The following MFHAS1 variants were observed in gnomAD, a reference collection of about 807,000 sequenced individuals.
MFHAS1 encodes the protein multifunctional ROCO family signaling regulator 1, also known as malignant fibrous histiocytoma-amplified sequence 1.
A neutral mutation model predicts 70.4 loss-of-function variants in MFHAS1; 50 were observed. The observed-to-expected ratio is 0.71, with a 90% CI of 0.57 to 0.90. MFHAS1 has a LOEUF of 0.90. Ranked by LOEUF, MFHAS1 falls within the 40% of genes least tolerant of loss-of-function variation. MFHAS1 has a pLI of 0.00. For missense variants in MFHAS1, 1,795 were observed against 1,347.6 expected (o/e 1.33, Z -5.20); for synonymous variants, 952 against 620.0 (o/e 1.54, Z -7.96).
chr8:8,883,611 G>C lies in MFHAS1; in HGVS notation c.2998+6450C>G, dbSNP rs182222212. 3.6e-3 allele frequency among the ~76,000 whole-genome samples: 538 copies of C among 149,840 alleles called. 7 individuals are homozygous for C. The highest frequency in any genetic ancestry group is 0.013 in the African/African-American group (523 of 40,570). Reference sequence around the variant, plus strand: ...TAATCCCAGCTACTCGGGAGGCTGAGGCAGGAGAATCACTTGAACCCAGGA... The same window carrying C: ...TAATCCCAGCTACTCGGGAGGCTGACGCAGGAGAATCACTTGAACCCAGGA... On this transcript the variant is annotated intron_variant, in intron 1 of 2. Transcript: ENST00000276282.
At chr8:8,825,532 G>T (rs528233824) in intron 1 of MFHAS1, among the ~76,000 whole-genome samples, 24 of 152,164 alleles carry the variant, frequency 1.6e-4, no homozygotes, top group Non-Finnish European at 2.9e-4. Context: ...TCAAGGTGCT[G>T]GCAGGGTTGG....
chr8:8,803,834 T>C lies in MFHAS1; in HGVS notation c.2999-6343A>G, dbSNP rs895882694. Among the ~76,000 whole-genome samples the C allele has an allele frequency of 2.0e-5, 3 of 151,980 alleles. No homozygotes were observed. The South Asian group carries it at 6.2e-4, about 32-fold the overall frequency. On this transcript the variant is annotated intron_variant, in intron 1 of 2. Coordinates refer to ENST00000276282, the MANE Select transcript of MFHAS1 (RefSeq NM_004225.3). ...TAAAAAAACAAAAATTAGCGGGGCA[T>C]CGTGGCACATGCCTGTAATCTCAGC...
chr8:8,818,120 T>C (rs1806815529), intron 1 of MFHAS1, among the ~76,000 whole-genome samples: 1 of 152,212 alleles, frequency 6.6e-6, no homozygotes, highest in African/African-American at 2.4e-5. Flanking sequence ...AGGTGGGCTT[T>C]GTGGGTCCAC....
chr8:8,847,370 C>T (rs1238132107), intron 1 of MFHAS1, among the ~76,000 whole-genome samples: 1 of 152,002 alleles, frequency 6.6e-6, no homozygotes, highest in Admixed American at 6.6e-5. Flanking sequence ...TTAGTAGAGA[C>T]GGGGTTTCAC....
intron 1 of MFHAS1, among the ~76,000 whole-genome samples, chr8:8,834,361 C>G (rs942597956): frequency 6.6e-6 from 1 of 152,168 alleles, no homozygotes; most frequent in Non-Finnish European, 1.5e-5. Context: ...CAGTAATGTA[C>G]TAGGCCTTCA....
At chr8:8,798,474 C>CA (rs2117260457) in intron 1 of MFHAS1, among the ~76,000 whole-genome samples, 1 of 152,082 alleles carries the variant, frequency 6.6e-6, no homozygotes. Flanking sequence ...CACAGGTATG[C>CA]AGCACCACAT....
At position 8,890,115 on chromosome 8, in the gene MFHAS1, T is replaced by C. The variant is rs1809929223; in HGVS notation, c.2944A>G (p.Ile982Val). 2 of 1,613,808 alleles carry C rather than the reference T, an allele frequency of 1.2e-6. No individual in the cohort carries two copies. Among genetic ancestry groups the C allele is most frequent in the African/African-American group, 2.7e-5 (2 of 74,944 alleles). The change falls in exon 1 of 3, where the codon ATT becomes GTT. Residue 982 changes from isoleucine to valine, a missense_variant. Ile to Val is a conservative substitution (Grantham distance 29). Transcript: ENST00000276282. The part of the protein sequence containing the change: ...EWPGLHYTVH[I>V]LCSKCLKRGS... ...CTCTTAAGGCACTTAGAACAGAGAA[T>C]GTGCACGGTGTAGTGCAGTCCAGGC...
At position 8,785,503 on chromosome 8, in the gene MFHAS1, T is replaced by A. The variant is rs574183171; in HGVS notation, c.*519A>T. The A allele has an allele frequency of 1.3e-5, 2 of 153,374 alleles. No individual in the cohort carries two copies. The highest frequency in any genetic ancestry group is 4.8e-5 in the African/African-American group (2 of 41,558). The allele number at this position is 153,374 out of a possible 1,614,324, so 9.5% of individuals were successfully genotyped here. A position where few individuals can be genotyped will look rare whatever the true frequency, so the allele number is the denominator to read the frequency against. ...TTCTCATGCAGAATATTGCACCCAG[T>A]GTGAACTAACGCTAGAAGCTTCAAA... On this transcript the variant is annotated 3_prime_UTR_variant, in exon 3 of 3. Transcript: ENST00000276282.
In MFHAS1 at chr8:8,890,385, G is replaced by A. The variant is rs778299491; in HGVS notation, c.2674C>T (p.Leu892Phe). ...IEYSFPFTFP[L>F]GLFARYSVQI... The stretch of plus-strand genomic sequence containing the variant: ...ACACTGTAGCGTGCAAACAACCCAA[G>A]TGGAAAAGTAAAAGGAAAGCTATAT... The change falls in exon 1 of 3, where the codon CTT (leucine) becomes TTT (phenylalanine). Residue 892 changes from leucine to phenylalanine, a missense_variant. Coordinates refer to ENST00000276282, the MANE Select transcript of MFHAS1 (RefSeq NM_004225.3). 1.2e-5 allele frequency: 19 copies of A among 1,613,982 alleles called. No individual in the cohort carries two copies. Among genetic ancestry groups the A allele is most frequent in the African/African-American group, 4.0e-5 (3 of 74,906 alleles).
At chr8:8,860,355 G>A (rs893297813) in intron 1 of MFHAS1, among the ~76,000 whole-genome samples, 1 of 152,138 alleles carries the variant, frequency 6.6e-6, no homozygotes, top group Non-Finnish European at 1.5e-5. Context: ...AACAACCCCT[G>A]CCTTCTCAGT....
chr8:8,811,312 A>ATT (rs72584154), intron 1 of MFHAS1, among the ~76,000 whole-genome samples: 18,754 of 148,172 alleles, frequency 0.13, 3,310 homozygotes, highest in African/African-American at 0.4. Flanking sequence ...CAGAATAAAA[A>ATT]TTTTTTTTTT....
chr8:8,874,400 A>G (rs1278734137), intron 1 of MFHAS1, among the ~76,000 whole-genome samples: 3 of 151,828 alleles, frequency 2.0e-5, no homozygotes, highest in African/African-American at 7.3e-5. Context: ...ACAGGGTTCT[A>G]ACTGTTCATA....
In MFHAS1 at chr8:8,879,427, T is replaced by C. The variant is rs574972306; in HGVS notation, c.2998+10634A>G. Among the ~76,000 whole-genome samples the C allele has an allele frequency of 2.0e-5, 3 of 152,362 alleles. No individual in the cohort carries two copies. The East Asian group carries it at 5.8e-4, about 29-fold the overall frequency. The stretch of plus-strand genomic sequence containing the variant: ...AAGGCTGATTCGTTTGGGAAGTTTT[T>C]AGAGATCCTCATATACAATGAATTT... On this transcript the variant is annotated intron_variant, in intron 1 of 2. Transcript: ENST00000276282.
chr8:8,856,813 C>T (rs538595176), intron 1 of MFHAS1, among the ~76,000 whole-genome samples: 16 of 151,862 alleles, frequency 1.1e-4, no homozygotes, highest in Non-Finnish European at 2.1e-4. Flanking sequence ...TTCCTGTCAC[C>T]GGCATGTATC....
At chr8:8,821,689 CA>C (rs1806962862) in intron 1 of MFHAS1, 1 of 152,188 alleles carries the variant, frequency 6.6e-6, no homozygotes, top group Admixed American at 6.5e-5. Context: ...TCCAAGCATG[CA>C]AAGATGTTAG....
At chr8:8,847,998 T>G (rs370196130) in intron 1 of MFHAS1, among the ~76,000 whole-genome samples, 1 of 152,236 alleles carries the variant, frequency 6.6e-6, no homozygotes, top group East Asian at 1.9e-4. Flanking sequence ...TCCTTCCCTG[T>G]TAGGGGATAT....
Position 8,786,065 on chromosome 8 carries a change from T to C in MFHAS1, c.3126-10A>G, listed in dbSNP as rs1195181486. On this transcript the variant is annotated splice_polypyrimidine_tract_variant and intron_variant, in intron 2 of 2. Transcript: ENST00000276282. ...TTCACCAACATTCTTCCTGTATGGG[T>C]GGACAACAAGAAAGCACAGAGATGA... The C allele has an allele frequency of 6.2e-7, 1 of 1,613,588 alleles. No homozygotes were observed. Among genetic ancestry groups the C allele is most frequent in the Non-Finnish European group, 8.5e-7 (1 of 1,179,660 alleles).
In MFHAS1 at chr8:8,890,996, C is replaced by G. The variant is rs745540891; in HGVS notation, c.2063G>C (p.Arg688Pro). Residue 688 changes from arginine to proline, a missense_variant, in exon 1 of 3, where the codon CGC (arginine) becomes CCC (proline). Physicochemically the swap from Arg to Pro is moderately radical, Grantham distance 103. Transcript: ENST00000276282. ...GGTCAGACCCGCCTGCAGGCCCAAG[C>G]GCGCCGAGTCCCACCAGCTTAGCCA... ...RLWLSWWDSARLGLQAGLTED... is the reference protein window; with the variant it reads ...RLWLSWWDSAPLGLQAGLTED... 2 of 1,613,768 alleles carry G rather than the reference C, an allele frequency of 1.2e-6. No individual in the cohort carries two copies. Among genetic ancestry groups the G allele is most frequent in the African/African-American group, 2.7e-5 (2 of 74,908 alleles).
At chr8:8,889,112 GA>G (rs1167178606) in intron 1 of MFHAS1, among the ~76,000 whole-genome samples, 2 of 147,622 alleles carry the variant, frequency 1.4e-5, no homozygotes, top group Non-Finnish European at 1.5e-5. Flanking sequence ...AAAAGAAAAC[GA>G]AAAAAAAGTC....
Sources: allele counts gnomAD v4.1 joint callset (sites outside exome capture counted in the v4.1 genomes callset), GRCh38; gene constraint gnomAD v4.1.1; transcripts MANE v1.5; gene names NCBI Gene and HGNC (gene_info 2026-07-23, HGNC 2026-07-21).